Variants in PELP1 observed in about 807,000 individuals in gnomAD.
PELP1 encodes proline-, glutamic acid- and leucine-rich protein 1.
In PELP1, 32 loss-of-function variants were observed where a neutral mutation model predicts 95.5. The observed-to-expected ratio is 0.34, with a 90% CI of 0.25 to 0.45. The LOEUF (loss-of-function observed/expected upper bound fraction) is 0.45, where lower values mean the gene tolerates loss of function less well. Among genes scored for constraint, PELP1 ranks in the 20% least tolerant of loss-of-function variants. The probability of loss-of-function intolerance (pLI) is 1.00; values close to 1 mark genes in which losing one functional copy is unlikely to be tolerated. For synonymous variants in PELP1, 668 were observed against 600.1 expected (o/e 1.11, Z -1.65); for missense variants, 1,358 against 1,444.8 (o/e 0.94, Z 0.97).
Position 4,673,602 on chromosome 17 carries a change from G to C in PELP1, c.1638+17C>G, listed in dbSNP as rs1912331907. ...GGGCCCCTTCCCCTATCTCCACGGA[G>C]ACGAGGCTCCACTAACCCTGTGAGT... is the stretch of plus-strand genomic sequence containing the variant. On this transcript the variant is annotated intron_variant, in intron 14 of 16. Coordinates refer to ENST00000572293, the MANE Select transcript of PELP1 (RefSeq NM_014389.3). This position sits in a 1 kb window ranked among gnomAD's most constrained non-coding sequence, Gnocchi z 5.7. 1 of 1,612,322 alleles carries C rather than the reference G, an allele frequency of 6.2e-7. No homozygotes were observed. Among genetic ancestry groups the C allele is most frequent in the South Asian group, 1.1e-5 (1 of 91,066 alleles).
At position 4,672,602 on chromosome 17, in the gene PELP1, G is replaced by A. The variant is rs575934390; in HGVS notation, c.2389C>T (p.Pro797Ser). The change falls in exon 16 of 17, where the codon CCC becomes TCC. Residue 797 changes from proline to serine, a missense_variant. Physicochemically the swap from Pro to Ser is moderately conservative, Grantham distance 74. Coordinates refer to ENST00000572293, the MANE Select transcript of PELP1 (RefSeq NM_014389.3). ...SVVIVPEGLPPLPPPPPSGAT... is the reference protein window; with the variant it reads ...SVVIVPEGLPSLPPPPPSGAT... ...CCTGAGGGTGGTGGGGGTGGCAGGGGGGGAAGCCCCTCGGGCACGATCACC... is the reference window on the plus strand; with the variant it reads ...CCTGAGGGTGGTGGGGGTGGCAGGGAGGGAAGCCCCTCGGGCACGATCACC... 6.2e-7 allele frequency: 1 copy of A among 1,603,454 alleles called. No individual in the cohort carries two copies. The highest frequency in any genetic ancestry group is 1.3e-5 in the African/African-American group (1 of 74,752).
intron 3 of PELP1, among the ~76,000 whole-genome samples, chr17:4,683,534 T>TTC (rs1912794113): frequency 9.4e-6 from 1 of 106,778 alleles, no homozygotes; most frequent in African/African-American, 4.7e-5. Flanking sequence ...TTCTTTTCTT[T>TTC]TTTTTTTTTT....
chr17:4,691,655 C>G, intron 1 of PELP1: 1 of 569,966 alleles, frequency 1.8e-6, no homozygotes, highest in South Asian at 2.2e-5. Context: ...TTATATTTTG[C>G]CTGATCCTTC....
chr17:4,690,981 C>A lies in PELP1; in HGVS notation c.327G>T (p.Leu109=). The change falls in exon 3 of 17, where the codon CTG becomes CTT. Residue 109 remains leucine, a synonymous_variant. Transcript: ENST00000572293. The part of the protein sequence containing the change: ...LSSIKTRFEG[L]CLLSLLVGES... ...CCCCTACCAGCAGGGACAGCAGACA[C>A]AGGCCCTCAAACCTTCAAAGAAAGA... 1 of 1,612,950 alleles carries A rather than the reference C, an allele frequency of 6.2e-7. No homozygotes were observed. The highest frequency in any genetic ancestry group is 1.1e-5 in the South Asian group (1 of 91,044).
intron 12 of PELP1, 40 bp from the exon 13 acceptor site, chr17:4,674,709 C>T (rs1476478374): frequency 1.9e-6 from 3 of 1,589,778 alleles, no homozygotes; most frequent in Non-Finnish European, 2.6e-6. Flanking sequence ...CACAGGCAAA[C>T]AACAAGGCAA....
At chr17:4,692,253 G>A (rs1913134189) in intron 1 of PELP1, among the ~76,000 whole-genome samples, 1 of 152,084 alleles carries the variant, frequency 6.6e-6, no homozygotes, top group South Asian at 2.1e-4. Context: ...GGATCACGAG[G>A]TCAGGAGATC....
At position 4,676,074 on chromosome 17, in the gene PELP1, C is replaced by G; in HGVS notation, c.942G>C (p.Arg314Ser). 6.2e-7 allele frequency: 1 copy of G among 1,614,008 alleles called. No homozygotes were observed. The change falls in exon 8 of 17, where the codon AGG (arginine) becomes AGC (serine). Residue 314 changes from arginine to serine, a missense_variant. Arg to Ser is a moderately radical substitution (Grantham distance 110). This residue lies in a region of PELP1 where 538 missense variants were observed against 628.1 expected (regional missense o/e 0.86). Coordinates refer to ENST00000572293, the MANE Select transcript of PELP1 (RefSeq NM_014389.3). ...DAHVLLQLRQRFSGLARCLGL... is the reference protein window; with the variant it reads ...DAHVLLQLRQSFSGLARCLGL... ...CTAGGCAGCGGGCCAGTCCCGAAAA[C>G]CTCTGCCGAAGCTGGAGAAGGACAT...
Position 4,672,565 on chromosome 17 carries a change from G to C in PELP1, c.2426C>G (p.Pro809Arg). 6.3e-7 allele frequency: 1 copy of C among 1,579,660 alleles called. No homozygotes were observed. Among genetic ancestry groups the C allele is most frequent in the Non-Finnish European group, 8.6e-7 (1 of 1,157,310 alleles). The change falls in exon 16 of 17, where the codon CCC (proline) becomes CGC (arginine). Residue 809 changes from proline (P) to arginine (R), a missense_variant. Coordinates refer to ENST00000572293, the MANE Select transcript of PELP1 (RefSeq NM_014389.3). ...TGGTGGCCCAGTGGGGGCTATAGGG[G>C]GTGGTGTGGCACCTGAGGGTGGTGG... Reference protein sequence around the residue: ...PPPPPSGATPPPIAPTGPPTA... With the variant: ...PPPPPSGATPRPIAPTGPPTA...
In PELP1 at chr17:4,670,179, G is replaced by A; in HGVS notation, c.*1260C>T. 1 of 152,272 alleles carries A rather than the reference G, an allele frequency of 6.6e-6. No individual in the cohort carries two copies. Among genetic ancestry groups the A allele is most frequent in the Middle Eastern group, 3.4e-3 (1 of 294 alleles). The allele number at this position is 152,272 out of a possible 1,614,324, so 9.4% of individuals were successfully genotyped here. On this transcript the variant is annotated 3_prime_UTR_variant, in exon 17 of 17. Transcript: ENST00000572293. ...GGTAACTTTTTAAAATCCTACTGAA[G>A]TTTCCAAAAATTAGCTCAAATGCCA... is the stretch of plus-strand genomic sequence containing the variant.
At chr17:4,690,240 TA>T (rs1913049074) in intron 3 of PELP1, among the ~76,000 whole-genome samples, 1 of 151,966 alleles carries the variant, frequency 6.6e-6, no homozygotes, top group South Asian at 2.1e-4. Context: ...CGCAAAGGCA[TA>T]AAAATGATAT....
In PELP1 at chr17:4,671,799, C is replaced by G; in HGVS notation, c.3192G>C (p.Leu1064=). ...VEEEPSAPPT[L]LEEETEDGSD... ...TCCCATCCTCAGTCTCCTCTTCCAA[C>G]AGGGTTGGGGGAGCAGAGGGCTCTT... The change falls in exon 16 of 17, where the codon CTG becomes CTC. Residue 1064 remains leucine (L), a synonymous_variant. Transcript: ENST00000572293. 1.1e-5 allele frequency: 17 copies of G among 1,516,340 alleles called. No homozygotes were observed. Among genetic ancestry groups the G allele is most frequent in the Non-Finnish European group, 1.5e-5 (17 of 1,136,394 alleles). 93.9% of individuals were successfully genotyped at this position (1,516,340 alleles called of 1,614,324 possible).
In PELP1 at chr17:4,672,793, C is replaced by A; in HGVS notation, c.2198G>T (p.Gly733Val). ...LLPGPENHRA[G>V]SNEDPILAPS... is the part of the protein sequence containing the mutation. Reference sequence around the variant, plus strand: ...GGCAAGGATGGGGTCCTCATTTGAGCCTGCCCGGTGGTTCTCAGGGCCAGG... The same window carrying A: ...GGCAAGGATGGGGTCCTCATTTGAGACTGCCCGGTGGTTCTCAGGGCCAGG... Residue 733 changes from glycine to valine, a missense_variant, in exon 16 of 17, where the codon GGC becomes GTC. Coordinates refer to ENST00000572293, the MANE Select transcript of PELP1 (RefSeq NM_014389.3). The A allele has an allele frequency of 6.2e-7, 1 of 1,613,804 alleles. No individual in the cohort carries two copies. The highest frequency in any genetic ancestry group is 8.5e-7 in the Non-Finnish European group (1 of 1,179,796).
Position 4,703,870 on chromosome 17 carries a change from C to T in PELP1, c.242G>A (p.Gly81Glu). The change falls in exon 1 of 17, where the codon GGG (glycine) becomes GAG (glutamate). Residue 81 changes from glycine to glutamate, a missense_variant. Physicochemically the swap from Gly to Glu is moderately conservative, Grantham distance 98. Transcript: ENST00000572293. ...CGCGGGCCACGGACTCACCTGGGCC[C>T]CGCCCACCGACCCATGCAGCCGCAA... ...CLLRLHGSVGGAQNLSALGAL... is the reference protein window; with the variant it reads ...CLLRLHGSVGEAQNLSALGAL... 1 of 1,610,750 alleles carries T rather than the reference C, an allele frequency of 6.2e-7. No homozygotes were observed. The highest frequency in any genetic ancestry group is 8.5e-7 in the Non-Finnish European group (1 of 1,178,592).
chr17:4,673,428 A>G lies in PELP1; in HGVS notation c.1667T>C (p.Val556Ala), dbSNP rs769311504. 6.3e-7 allele frequency: 1 copy of G among 1,594,376 alleles called. No individual in the cohort carries two copies. Among genetic ancestry groups the G allele is most frequent in the Non-Finnish European group, 8.5e-7 (1 of 1,171,000 alleles). Reference protein sequence around the residue: ...RRLHDLVLPLVMGVQQGEVLG... With the variant: ...RRLHDLVLPLAMGVQQGEVLG... Reference sequence around the variant, plus strand: ...GACCTCACCCTGCTGTACACCCATGACCAGGGGGAGGACCAGGTCATGCAG... The same window carrying G: ...GACCTCACCCTGCTGTACACCCATGGCCAGGGGGAGGACCAGGTCATGCAG... Residue 556 changes from valine to alanine, a missense_variant, in exon 15 of 17, where the codon GTC (valine) becomes GCC (alanine). Physicochemically the swap from Val to Ala is moderately conservative, Grantham distance 64 (BLOSUM62 0). This residue lies in a region of PELP1 where 538 missense variants were observed against 628.1 expected (regional missense o/e 0.86). Transcript: ENST00000572293. The surrounding 1 kb of genome is among the most constrained non-coding windows in gnomAD (Gnocchi z 5.7).
In PELP1 at chr17:4,672,458, G is replaced by A; in HGVS notation, c.2533C>T (p.Pro845Ser). ...ACAGGACCAGGAACAGGCGGCGGCG[G>A]AGGTGGGGGTGGCGGGAGAGGCCCT... Reference protein sequence around the residue: ...APGPLPPPPPPPPPVPGPVTL... With the variant: ...APGPLPPPPPSPPPVPGPVTL... The change falls in exon 16 of 17, where the codon CCG becomes TCG. Residue 845 changes from proline to serine, a missense_variant. Physicochemically the swap from Pro to Ser is moderately conservative, Grantham distance 74. Coordinates refer to ENST00000572293, the MANE Select transcript of PELP1 (RefSeq NM_014389.3). 3 of 1,568,690 alleles carry A rather than the reference G, an allele frequency of 1.9e-6. No homozygotes were observed. The highest frequency in any genetic ancestry group is 2.6e-6 in the Non-Finnish European group (3 of 1,157,568).
intron 13 of PELP1, 109 bp downstream of exon 13, chr17:4,674,401 C>T: frequency 4.0e-6 from 4 of 1,004,824 alleles, no homozygotes; most frequent in South Asian, 3.0e-5. Context: ...TCTAGGCACT[C>T]TCCCCACAAA....
At position 4,672,796 on chromosome 17, in the gene PELP1, G is replaced by A; in HGVS notation, c.2195C>T (p.Ala732Val). The change falls in exon 16 of 17, where the codon GCA becomes GTA. Residue 732 changes from alanine to valine, a missense_variant. Physicochemically the swap from Ala to Val is moderately conservative, Grantham distance 64 (BLOSUM62 0). Around this residue, in one of 7 missense-constraint regions of PELP1, gnomAD observed 340 missense variants for 322.9 expected, o/e 1.05. Transcript: ENST00000572293. Reference sequence around the variant, plus strand: ...AAGGATGGGGTCCTCATTTGAGCCTGCCCGGTGGTTCTCAGGGCCAGGAAG... The same window carrying A: ...AAGGATGGGGTCCTCATTTGAGCCTACCCGGTGGTTCTCAGGGCCAGGAAG... Reference protein sequence around the residue: ...RLLPGPENHRAGSNEDPILAP... With the variant: ...RLLPGPENHRVGSNEDPILAP... 6.2e-7 allele frequency: 1 copy of A among 1,613,850 alleles called. No homozygotes were observed. Among genetic ancestry groups the A allele is most frequent in the Non-Finnish European group, 8.5e-7 (1 of 1,179,798 alleles).
At position 4,700,553 on chromosome 17, in the gene PELP1, C is replaced by T. The variant is rs557468311; in HGVS notation, c.249+3310G>A. Reference sequence around the variant, plus strand: ...CAGCTACTCAGGAGGCTGAGGCCTACGTAGAAGACAGAACAAGACACTGTT... The same window carrying T: ...CAGCTACTCAGGAGGCTGAGGCCTATGTAGAAGACAGAACAAGACACTGTT... On this transcript the variant is annotated intron_variant, in intron 1 of 16. Transcript: ENST00000572293. 1.1e-4 allele frequency among the ~76,000 whole-genome samples: 17 copies of T among 151,954 alleles called. No homozygotes were observed. In the South Asian group the frequency reaches 1.7e-3, roughly 15 times the overall value.
chr17:4,687,997 G>C (rs1336001207), intron 3 of PELP1, among the ~76,000 whole-genome samples: 2 of 152,120 alleles, frequency 1.3e-5, no homozygotes, highest in Non-Finnish European at 2.9e-5. Flanking sequence ...ATTCAACATA[G>C]TACTGGAAGT....
Sources: gnomAD v4.1 joint callset for allele counts (sites outside exome capture counted in the v4.1 genomes callset) on GRCh38, gnomAD v4.1.1 for gene constraint, gnomAD v4.1.1 regional missense constraint, Gnocchi (gnomAD v3.1) non-coding constraint, MANE v1.5 for transcripts, NCBI Gene and HGNC (gene_info 2026-07-23, HGNC 2026-07-21) for gene names.